Variants in EMCN observed in about 807,000 individuals in gnomAD.
EMCN encodes endomucin.
Under a neutral mutation model 38.4 loss-of-function variants are expected in EMCN, and 37 were observed. That is an observed-to-expected ratio of 0.96 (90% CI 0.74 to 1.27). The LOEUF (loss-of-function observed/expected upper bound fraction) is 1.27, where lower values mean the gene tolerates loss of function less well. Among genes scored for constraint, EMCN ranks in the 50% most tolerant of loss-of-function variants. EMCN has a pLI of 0.00. For missense variants in EMCN, 318 were observed against 302.8 expected (o/e 1.05, Z -0.37); for synonymous variants, 95 against 100.8 (o/e 0.94, Z 0.35).
In EMCN at chr4:100,450,157, A is replaced by T. The variant is rs1727797380; in HGVS notation, c.377-2586T>A. On this transcript the variant is annotated intron_variant, in intron 4 of 11. Transcript: ENST00000296420. ...AGCTTTGATCTTAAAAGAATCTCAG[A>T]AAAGTCAAATAGCAAATTAGCAGTG... 3.9e-5 allele frequency among the ~76,000 whole-genome samples: 6 copies of T among 152,018 alleles called. No homozygotes were observed. The South Asian group carries it at 1.2e-3, about 31-fold the overall frequency.
intron 3 of EMCN, 97 bp downstream of exon 3, chr4:100,474,941 A>T: frequency 2.0e-6 from 1 of 508,354 alleles, no homozygotes; most frequent in South Asian, 6.7e-5. Flanking sequence ...TTGTTAAAAT[A>T]CTAAAAACTT....
At chr4:100,494,118 A>C (rs1210840533) in intron 1 of EMCN, among the ~76,000 whole-genome samples, 2 of 152,200 alleles carry the variant, frequency 1.3e-5, no homozygotes, top group Non-Finnish European at 2.9e-5. Flanking sequence ...AGAGGCCATC[A>C]TGTATTTATC....
intron 1 of EMCN, chr4:100,487,070 T>C: frequency 1.4e-5 from 13 of 961,422 alleles, no homozygotes; most frequent in Non-Finnish European, 1.6e-5. Flanking sequence ...TATTTATAAA[T>C]GTAGGAGTGG....
At chr4:100,486,632 C>T (rs1005533094) in intron 1 of EMCN, among the ~76,000 whole-genome samples, 2 of 152,218 alleles carry the variant, frequency 1.3e-5, no homozygotes, top group Non-Finnish European at 2.9e-5. Context: ...GGAATCTCCT[C>T]AGGTTGCCAG....
At chr4:100,441,467 G>C (rs887703292) in intron 5 of EMCN, among the ~76,000 whole-genome samples, 1 of 152,064 alleles carries the variant, frequency 6.6e-6, no homozygotes, top group South Asian at 2.1e-4. Context: ...ACCATTCTAT[G>C]TCTTTTAACT....
intron 1 of EMCN, among the ~76,000 whole-genome samples, chr4:100,515,606 A>G (rs1014764703): frequency 6.6e-6 from 1 of 152,172 alleles, no homozygotes; most frequent in East Asian, 1.9e-4. Context: ...ATAAATTACT[A>G]CGCAAAAGAG....
intron 5 of EMCN, among the ~76,000 whole-genome samples, chr4:100,424,820 A>C (rs1234042504): frequency 6.6e-6 from 1 of 152,118 alleles, no homozygotes; most frequent in Non-Finnish European, 1.5e-5. Flanking sequence ...GTGGAAAAGA[A>C]GGTGGCTGAT....
intron 5 of EMCN, among the ~76,000 whole-genome samples, chr4:100,425,326 A>G (rs1234121708): frequency 1.5e-5 from 2 of 136,460 alleles, no homozygotes; most frequent in Admixed American, 1.5e-4. Context: ...TGTGACTAAG[A>G]TGCGGAATCC....
chr4:100,499,299 A>T (rs1729289401), intron 1 of EMCN, among the ~76,000 whole-genome samples: 1 of 152,198 alleles, frequency 6.6e-6, no homozygotes, highest in South Asian at 2.1e-4. Context: ...TGTTTTGTAG[A>T]ACTAACGTAT....
chr4:100,462,326 C>G (rs1014482398), intron 4 of EMCN, among the ~76,000 whole-genome samples: 1 of 152,048 alleles, frequency 6.6e-6, no homozygotes, highest in Non-Finnish European at 1.5e-5. Flanking sequence ...GAAGCTAAAT[C>G]AATACAACAG....
intron 4 of EMCN, among the ~76,000 whole-genome samples, chr4:100,456,620 G>A (rs1728024289): frequency 6.6e-6 from 1 of 151,994 alleles, no homozygotes; most frequent in Admixed American, 6.6e-5. Flanking sequence ...TCAGCATAGA[G>A]CTATCTTTTA....
At chr4:100,450,294 G>A (rs1727801089) in intron 4 of EMCN, among the ~76,000 whole-genome samples, 1 of 151,930 alleles carries the variant, frequency 6.6e-6, no homozygotes, top group African/African-American at 2.4e-5. Flanking sequence ...ATATGAAATT[G>A]AAGTCTTATG....
intron 1 of EMCN, chr4:100,486,864 G>A: frequency 1.0e-6 from 1 of 985,418 alleles, no homozygotes; most frequent in Non-Finnish European, 1.2e-6. Context: ...CACTCACCCA[G>A]GTGTCTTGTT....
chr4:100,418,154 T>C (rs1726790658), intron 8 of EMCN, among the ~76,000 whole-genome samples: 1 of 152,178 alleles, frequency 6.6e-6, no homozygotes, highest in African/African-American at 2.4e-5. Flanking sequence ...CTTAACCTCA[T>C]CTTTGCTCCA....
chr4:100,436,405 T>G (rs550128485), intron 5 of EMCN, among the ~76,000 whole-genome samples: 1 of 152,302 alleles, frequency 6.6e-6, no homozygotes, highest in African/African-American at 2.4e-5. Context: ...GCTTTTACAT[T>G]CTTGGTAGGA....
chr4:100,459,974 TA>T (rs1343607379), intron 4 of EMCN, among the ~76,000 whole-genome samples: 1 of 152,200 alleles, frequency 6.6e-6, no homozygotes, highest in Non-Finnish European at 1.5e-5. Context: ...ATGATAGCTA[TA>T]ATTTTAATTT....
chr4:100,419,116 CATT>C (rs937401258), intron 8 of EMCN, among the ~76,000 whole-genome samples: 2 of 152,000 alleles, frequency 1.3e-5, no homozygotes, highest in Non-Finnish European at 2.9e-5. Flanking sequence ...GCGATAGTCT[CATT>C]AGCAGATAGA....
intron 4 of EMCN, among the ~76,000 whole-genome samples, chr4:100,458,430 C>G (rs1375788348): frequency 6.6e-6 from 1 of 152,080 alleles, no homozygotes; most frequent in Non-Finnish European, 1.5e-5. Flanking sequence ...AAATGATTCC[C>G]TAATGTGTCT....
At chr4:100,424,049 C>T (rs1369572282) in intron 5 of EMCN, among the ~76,000 whole-genome samples, 1 of 151,382 alleles carries the variant, frequency 6.6e-6, no homozygotes, top group Non-Finnish European at 1.5e-5. Context: ...TTATTGTTAT[C>T]GTTATTTGTT....
Sources: allele counts gnomAD v4.1 joint callset (sites outside exome capture counted in the v4.1 genomes callset), GRCh38; gene constraint gnomAD v4.1.1; transcripts MANE v1.5; gene names NCBI Gene and HGNC (gene_info 2026-07-23, HGNC 2026-07-21).